Variants in ZNF716 observed in about 807,000 individuals in gnomAD.
ZNF716 encodes zinc finger protein 716.
ZNF716 carries 9 observed loss-of-function variants against 13.4 expected under a neutral mutation model. The ratio of observed to expected loss-of-function variants is 0.67; its 90% CI spans 0.41 to 1.18. The LOEUF is 1.18. Among genes scored for constraint, ZNF716 ranks in the 50% most tolerant of loss-of-function variants. The pLI is 0.01. For missense variants in ZNF716, 581 were observed against 576.6 expected, an observed-to-expected ratio of 1.01 and a Z score of -0.08; for synonymous variants, 186 against 195.2, an observed-to-expected ratio of 0.95 and a Z score of 0.39.
rs868922825 is a variant in ZNF716 at position 57,470,981 on chromosome 7, T to C, written c.*1032T>C. The stretch of plus-strand genomic sequence containing the variant: ...AAAACTCAGGCAAATATGAAAAATG[T>C]GGCAAAACTTTTAACAAATTTTCCC... On this transcript the variant is annotated 3_prime_UTR_variant, in exon 4 of 4. Transcript: ENST00000420713. 6.6e-6 allele frequency: 1 copy of C among 152,162 alleles called. No homozygotes were observed. The highest frequency in any genetic ancestry group is 2.4e-5 in the African/African-American group (1 of 41,442). 9.4% of individuals were successfully genotyped at this position (152,162 alleles called of 1,614,324 possible). A position where few individuals can be genotyped will look rare whatever the true frequency, so the allele number is the denominator to read the frequency against.
At chr7:57,466,757 TTC>T (rs1401172196) in intron 3 of ZNF716, among the ~76,000 whole-genome samples, 5 of 152,080 alleles carry the variant, frequency 3.3e-5, no homozygotes, top group East Asian at 3.8e-4. Flanking sequence ...TCTTCTGATT[TTC>T]TGTTTTTTTA....
At chr7:57,468,336 C>A (rs185620060) in intron 3 of ZNF716, among the ~76,000 whole-genome samples, 6 of 152,244 alleles carry the variant, frequency 3.9e-5, no homozygotes, top group African/African-American at 1.2e-4. Context: ...GAGAGAAAGG[C>A]TCCCATAAGC....
rs1233218160 is a variant in ZNF716 at position 57,472,641 on chromosome 7, A to AT, written c.*2697dup. ...ACCACCACTCCTGGCTAATTTTTGTATTTTTAGTAGAGATGAGGTTTCCCC... is the reference window on the plus strand; with the variant it reads ...ACCACCACTCCTGGCTAATTTTTGTATTTTTTAGTAGAGATGAGGTTTCCCC... On this transcript the variant is annotated 3_prime_UTR_variant, in exon 4 of 4. Transcript: ENST00000420713. 6.6e-6 allele frequency: 1 copy of AT among 151,988 alleles called. No individual in the cohort carries two copies. Among genetic ancestry groups the AT allele is most frequent in the African/African-American group, 2.4e-5 (1 of 41,360 alleles). 9.4% of individuals were successfully genotyped at this position (151,988 alleles called of 1,614,324 possible).
chr7:57,456,468 G>C (rs1789592012), intron 1 of ZNF716, among the ~76,000 whole-genome samples: 1 of 152,100 alleles, frequency 6.6e-6, no homozygotes, highest in South Asian at 2.1e-4. Flanking sequence ...ATTATGGTCT[G>C]TGCTGACTCC....
intron 3 of ZNF716, among the ~76,000 whole-genome samples, chr7:57,463,895 C>T (rs1789755419): frequency 6.6e-6 from 1 of 151,940 alleles, no homozygotes; most frequent in Non-Finnish European, 1.5e-5. Context: ...CAACAGCTTA[C>T]ACAGGTTTCA....
chr7:57,465,014 T>G (rs1270616717), intron 3 of ZNF716, among the ~76,000 whole-genome samples: 1 of 152,200 alleles, frequency 6.6e-6, no homozygotes, highest in Non-Finnish European at 1.5e-5. Context: ...GTATAATGCC[T>G]CTGTGTTTTT....
rs1330498747 is a variant in ZNF716, at chr7:57,451,584, A to T, written c.39+1257A>T. 2.7e-5 allele frequency among the ~76,000 whole-genome samples: 4 copies of T among 150,132 alleles called. No homozygotes were observed. The Admixed American group carries it at 2.7e-4, about 10-fold the overall frequency. On this transcript the variant is annotated intron_variant, in intron 1 of 3. Transcript: ENST00000420713. ...TGCCTCAGCCTCCTGAGTAGCTGGG[A>T]TTACATGCACCCGCCACCATGCCTG...
At chr7:57,459,164 A>C (rs1473092505) in intron 1 of ZNF716, among the ~76,000 whole-genome samples, 1 of 152,236 alleles carries the variant, frequency 6.6e-6, no homozygotes, top group Non-Finnish European at 1.5e-5. Context: ...GAAGAAATGA[A>C]AATGCTGTGC....
intron 1 of ZNF716, among the ~76,000 whole-genome samples, chr7:57,457,317 C>T (rs1360940659): frequency 6.6e-6 from 1 of 152,052 alleles, no homozygotes; most frequent in South Asian, 2.1e-4. Context: ...CCAGTCTTAC[C>T]ACTTACCTTG....
At chr7:57,456,904 T>A (rs1370958957) in intron 1 of ZNF716, among the ~76,000 whole-genome samples, 1 of 151,936 alleles carries the variant, frequency 6.6e-6, no homozygotes, top group Non-Finnish European at 1.5e-5. Flanking sequence ...TGATTCTAGG[T>A]CTCCTCTCAG....
intron 1 of ZNF716, among the ~76,000 whole-genome samples, chr7:57,451,862 G>T (rs1554321611): frequency 6.6e-6 from 1 of 151,688 alleles, no homozygotes. Context: ...CACCTCCTGG[G>T]TTCAAGTGAT....
chr7:57,458,267 C>T (rs1212775987), intron 1 of ZNF716, among the ~76,000 whole-genome samples: 8 of 152,168 alleles, frequency 5.3e-5, no homozygotes, highest in African/African-American at 1.9e-4. Context: ...TTTATACTCT[C>T]ACCAGCAGCG....
chr7:57,466,997 C>T (rs1481954785), intron 3 of ZNF716, among the ~76,000 whole-genome samples: 4 of 151,742 alleles, frequency 2.6e-5, no homozygotes, highest in South Asian at 2.1e-4. Flanking sequence ...TCAATAATAT[C>T]GATATTTGTC....
At chr7:57,456,716 C>T (rs1789597257) in intron 1 of ZNF716, among the ~76,000 whole-genome samples, 1 of 150,614 alleles carries the variant, frequency 6.6e-6, no homozygotes, top group South Asian at 2.1e-4. Context: ...GCCTGGGCGA[C>T]AGAGTGAGAC....
At chr7:57,455,930 G>T (rs2116406726) in intron 1 of ZNF716, among the ~76,000 whole-genome samples, 1 of 150,618 alleles carries the variant, frequency 6.6e-6, no homozygotes, top group East Asian at 2.0e-4. Flanking sequence ...TGGGTTGCAT[G>T]GTTTTTTTTG....
intron 1 of ZNF716, among the ~76,000 whole-genome samples, chr7:57,458,584 G>T (rs1554322498): frequency 6.6e-6 from 1 of 151,924 alleles, no homozygotes; most frequent in African/African-American, 2.4e-5. Context: ...CACCAGACCC[G>T]GTTAATTTTT....
rs782730798 is a variant in ZNF716 at position 57,469,215 on chromosome 7, T to A, written c.754T>A (p.Trp252Arg). Residue 252 changes from tryptophan to arginine, a missense_variant, in exon 4 of 4, where the codon TGG becomes AGG. Coordinates refer to ENST00000420713, the MANE Select transcript of ZNF716 (RefSeq NM_001159279.1). ...TGAGGAATGTGGCAAAGCTTTTAGCTGGTCTGCATCCCTTACTAAACATAA... is the reference window on the plus strand; with the variant it reads ...TGAGGAATGTGGCAAAGCTTTTAGCAGGTCTGCATCCCTTACTAAACATAA... ...RCEECGKAFSWSASLTKHKRI... is the reference protein window; with the variant it reads ...RCEECGKAFSRSASLTKHKRI... The A allele has an allele frequency of 6.2e-7, 1 of 1,612,542 alleles. No homozygotes were observed. Among genetic ancestry groups the A allele is most frequent in the Non-Finnish European group, 8.5e-7 (1 of 1,179,274 alleles).
At chr7:57,460,462 A>C (rs1171793705) in intron 1 of ZNF716, among the ~76,000 whole-genome samples, 1 of 150,868 alleles carries the variant, frequency 6.6e-6, no homozygotes, top group Non-Finnish European at 1.5e-5. Context: ...CGGAACTTGC[A>C]AATTTTTACT....
chr7:57,468,861 G>C lies in ZNF716; in HGVS notation c.400G>C (p.Glu134Gln). The C allele has an allele frequency of 1.2e-6, 2 of 1,613,680 alleles. No homozygotes were observed. Among genetic ancestry groups the C allele is most frequent in the Non-Finnish European group, 1.7e-6 (2 of 1,179,832 alleles). ...QVKKCCKSVG[E>Q]CEVHKGGYNY... The stretch of plus-strand genomic sequence containing the variant: ...AAAAAAATGCTGTAAAAGTGTAGGT[G>C]AGTGTGAGGTGCACAAAGGAGGTTA... Residue 134 changes from glutamate to glutamine, a missense_variant, in exon 4 of 4, where the codon GAG becomes CAG. Coordinates refer to ENST00000420713, the MANE Select transcript of ZNF716 (RefSeq NM_001159279.1).
Sources: allele counts gnomAD v4.1 joint callset (sites outside exome capture counted in the v4.1 genomes callset), GRCh38; gene constraint gnomAD v4.1.1; transcripts MANE v1.5; gene names NCBI Gene and HGNC (gene_info 2026-07-23, HGNC 2026-07-21).